The following SCLT1 variants were observed in gnomAD, a reference collection of about 807,000 sequenced individuals.
The protein encoded by SCLT1 is sodium channel and clathrin linker 1.
A neutral mutation model predicts 112.8 loss-of-function variants in SCLT1; 78 were observed. The observed-to-expected ratio is 0.69, with a 90% confidence interval of 0.58 to 0.83. The LOEUF is 0.83. Among genes scored for constraint, SCLT1 ranks in the 40% least tolerant of loss-of-function variants. The pLI is 0.00. For synonymous variants in SCLT1, 257 were observed against 254.7 expected (o/e 1.01, Z -0.09); for missense variants, 747 against 770.4 (o/e 0.97, Z 0.36).
chr4:129,092,478 ATTTG>A (rs1389686679), intron 1 of SCLT1, among the ~76,000 whole-genome samples: 4 of 152,240 alleles, frequency 2.6e-5, no homozygotes, highest in African/African-American at 9.6e-5. Context: ...AATAGTTAAT[ATTTG>A]TTTAACACAA....
At chr4:128,879,476 G>A (rs1429389925), downstream of SCLT1, among the ~76,000 whole-genome samples, 1 of 152,130 alleles carries the variant, frequency 6.6e-6, no homozygotes, top group Non-Finnish European at 1.5e-5. Flanking sequence ...AAGATACAAT[G>A]TTGCACAATA....
At chr4:128,978,146 T>A (rs754941225) in intron 9 of SCLT1, among the ~76,000 whole-genome samples, 9 of 152,144 alleles carry the variant, frequency 5.9e-5, no homozygotes, top group Non-Finnish European at 1.3e-4. Context: ...TTTTATAAGT[T>A]TAAATTCTGA....
chr4:129,048,838 T>A (rs1353804952), intron 2 of SCLT1, among the ~76,000 whole-genome samples: 2 of 152,118 alleles, frequency 1.3e-5, no homozygotes, highest in East Asian at 3.9e-4. Context: ...CAGACACTTC[T>A]CAAAAGAAGA....
intron 5 of SCLT1, among the ~76,000 whole-genome samples, chr4:129,025,128 G>T (rs280600): frequency 0.26 from 39,372 of 151,976 alleles, 6,275 homozygotes; most frequent in Non-Finnish European, 0.35. Context: ...ACACTCTGCA[G>T]GATATTATTC....
intron 18 of SCLT1, among the ~76,000 whole-genome samples, chr4:128,931,840 G>T (rs1251469903): frequency 6.6e-6 from 1 of 152,058 alleles, no homozygotes; most frequent in South Asian, 2.1e-4. Context: ...CCAGTAAATT[G>T]TTATTCACTG....
chr4:128,901,338 G>T (rs1734273898), intron 18 of SCLT1, among the ~76,000 whole-genome samples: 1 of 152,184 alleles, frequency 6.6e-6, no homozygotes, highest in Non-Finnish European at 1.5e-5. Flanking sequence ...ATACTATGGA[G>T]CCATAAAAAA....
intron 2 of SCLT1, among the ~76,000 whole-genome samples, chr4:129,066,823 ATAAAG>A (rs1436395196): frequency 2.6e-5 from 4 of 152,120 alleles, no homozygotes; most frequent in Non-Finnish European, 4.4e-5. Flanking sequence ...AAATGGCACT[ATAAAG>A]TAATTTCAGG....
At chr4:128,948,831 T>C (rs1341494352) in intron 14 of SCLT1, among the ~76,000 whole-genome samples, 1 of 152,084 alleles carries the variant, frequency 6.6e-6, no homozygotes. Context: ...AAAAAATAAA[T>C]AGAACCCCTT....
Position 129,072,312 on chromosome 4 carries a change from C to G in SCLT1, c.102+9994G>C, listed in dbSNP as rs1257895293. 2.0e-5 allele frequency among the ~76,000 whole-genome samples: 3 copies of G among 152,054 alleles called. No homozygotes were observed. In the East Asian group the frequency reaches 5.8e-4, roughly 29 times the overall value. ...CAAAGATCTTTTTGCGATGAATTTC[C>G]CAGATGTTCTTTGTGCTTCTTGTAT... On this transcript the variant is annotated intron_variant, in intron 2 of 20. Coordinates refer to ENST00000281142, the MANE Select transcript of SCLT1 (RefSeq NM_144643.4).
At chr4:129,037,751 T>A (rs1747309465) in intron 5 of SCLT1, 1 of 152,134 alleles carries the variant, frequency 6.6e-6, no homozygotes, top group Non-Finnish European at 1.5e-5. Context: ...CATCAACAAA[T>A]TTTCAGAATA....
chr4:128,911,461 T>C (rs553183351), intron 18 of SCLT1, among the ~76,000 whole-genome samples: 4 of 152,220 alleles, frequency 2.6e-5, no homozygotes, highest in East Asian at 3.9e-4. Context: ...GGGATAATTA[T>C]AGAGGAATTA....
At chr4:129,015,366 T>A (rs1169136774) in intron 5 of SCLT1, among the ~76,000 whole-genome samples, 1 of 152,108 alleles carries the variant, frequency 6.6e-6, no homozygotes, top group Admixed American at 6.5e-5. Flanking sequence ...CAAGCTATGA[T>A]GTGGCTCCCA....
intron 2 of SCLT1, among the ~76,000 whole-genome samples, chr4:129,054,590 T>G (rs1029369647): frequency 6.6e-6 from 1 of 152,136 alleles, no homozygotes; most frequent in Non-Finnish European, 1.5e-5. Flanking sequence ...GTTGTGTTTT[T>G]CAGCTCTGTC....
At chr4:129,019,639 A>AT (rs1043606326) in intron 5 of SCLT1, among the ~76,000 whole-genome samples, 36 of 150,810 alleles carry the variant, frequency 2.4e-4, no homozygotes, top group Non-Finnish European at 4.1e-4. Context: ...CTGCCGCTAT[A>AT]TTTTTGTGTA....
chr4:128,957,090 A>G lies in SCLT1; in HGVS notation c.1082T>C (p.Ile361Thr). ...AGAAACTGTCTCTTTCATTTTCTCT[A>G]TGTCTTCTTCTTTTTGCTTCTCCTC... Reference protein sequence around the residue: ...LLEEKQKEEDIEKMKETVSRF... With the variant: ...LLEEKQKEEDTEKMKETVSRF... Residue 361 changes from isoleucine (I) to threonine (T), a missense_variant, in exon 13 of 21, where the codon ATA becomes ACA. Ile to Thr is a moderately conservative substitution (Grantham distance 89). Coordinates refer to ENST00000281142, the MANE Select transcript of SCLT1 (RefSeq NM_144643.4). The G allele has an allele frequency of 6.2e-7, 1 of 1,601,704 alleles. No individual in the cohort carries two copies. Among genetic ancestry groups the G allele is most frequent in the Admixed American group, 1.7e-5 (1 of 59,196 alleles).
At chr4:128,936,441 C>T (rs966774600) in intron 18 of SCLT1, among the ~76,000 whole-genome samples, 42 of 152,080 alleles carry the variant, frequency 2.8e-4, no homozygotes, top group Admixed American at 2.7e-3. Context: ...AAAACTATTA[C>T]ATTTTCTGAA....
At chr4:128,926,299 G>A (rs187657223) in intron 18 of SCLT1, among the ~76,000 whole-genome samples, 50 of 152,012 alleles carry the variant, frequency 3.3e-4, no homozygotes, top group African/African-American at 1.2e-3. Flanking sequence ...AATCTTTATT[G>A]TATACTCTGG....
intron 1 of SCLT1, 82 bp downstream of exon 1, chr4:129,092,988 C>A (rs1166249357): frequency 2.9e-6 from 3 of 1,026,622 alleles, no homozygotes; most frequent in South Asian, 2.6e-5. Context: ...ATGTACCCAA[C>A]CAGCATTCAA....
intron 2 of SCLT1, among the ~76,000 whole-genome samples, chr4:129,048,095 C>T (rs968749709): frequency 3.9e-5 from 6 of 152,088 alleles, no homozygotes; most frequent in African/African-American, 1.4e-4. Context: ...TTTTTGTCCA[C>T]CAGTTTCATA....
Sources: allele counts gnomAD v4.1 joint callset (sites outside exome capture counted in the v4.1 genomes callset), GRCh38; gene constraint gnomAD v4.1.1; transcripts MANE v1.5; gene names NCBI Gene and HGNC (gene_info 2026-07-23, HGNC 2026-07-21).